Variants in AGGF1 observed in about 807,000 individuals in gnomAD.
AGGF1 encodes angiogenic factor with G patch and FHA domains 1.
In AGGF1, 56 loss-of-function variants were observed where a neutral mutation model predicts 86.5. That is an observed-to-expected ratio of 0.65 (90% CI 0.52 to 0.81). The LOEUF is 0.81. Among genes scored for constraint, AGGF1 ranks in the 30% least tolerant of loss-of-function variants. The pLI is 0.00. For missense variants in AGGF1, 816 were observed against 850.9 expected (o/e 0.96, Z 0.51); for synonymous variants, 313 against 297.1 (o/e 1.05, Z -0.55).
chr5:77,036,812 A>G, intron 4 of AGGF1, 92 bp downstream of exon 4: 3 of 1,408,646 alleles, frequency 2.1e-6, no homozygotes, highest in Non-Finnish European at 3.0e-6. Context: ...ATCTCAGCTC[A>G]CTGCAACTTT....
intron 11 of AGGF1, among the ~76,000 whole-genome samples, chr5:77,058,264 G>A (rs1747492859): frequency 6.6e-6 from 1 of 152,112 alleles, no homozygotes; most frequent in Admixed American, 6.5e-5. Flanking sequence ...AGACCAGGAA[G>A]GCAATTAATT....
chr5:77,033,800 G>A (rs1316884279), intron 1 of AGGF1, among the ~76,000 whole-genome samples: 1 of 152,192 alleles, frequency 6.6e-6, no homozygotes, highest in Admixed American at 6.5e-5. Context: ...GACCGAGGCA[G>A]CATGTTACTT....
At position 77,030,427 on chromosome 5, in the gene AGGF1, G is replaced by T. The variant is rs1420456601; in HGVS notation, c.-340G>T. ...GCGCCGTTGTTTCCGGCTCAACTGGGGAGCTGCTGGAGCTCTTCTGGCCTC... is the reference window on the plus strand; with the variant it reads ...GCGCCGTTGTTTCCGGCTCAACTGGTGAGCTGCTGGAGCTCTTCTGGCCTC... On this transcript the variant is annotated 5_prime_UTR_variant, in exon 1 of 14. Coordinates refer to ENST00000312916, the MANE Select transcript of AGGF1 (RefSeq NM_018046.5). 4 of 517,502 alleles carry T rather than the reference G, an allele frequency of 7.7e-6. No individual in the cohort carries two copies. In the East Asian group the frequency reaches 1.5e-4, roughly 20 times the overall value. 32.1% of individuals were successfully genotyped at this position (517,502 alleles called of 1,614,324 possible). A position where few individuals can be genotyped will look rare whatever the true frequency, so the allele number is the denominator to read the frequency against.
chr5:77,049,049 G>T, intron 8 of AGGF1, 62 bp downstream of exon 8: 1 of 1,515,462 alleles, frequency 6.6e-7, no homozygotes, highest in Non-Finnish European at 9.1e-7. Context: ...TATTATTACA[G>T]TAGAAAGCTT....
intron 5 of AGGF1, among the ~76,000 whole-genome samples, chr5:77,041,138 G>A (rs1201037277): frequency 6.6e-6 from 1 of 152,096 alleles, no homozygotes; most frequent in African/African-American, 2.4e-5. Flanking sequence ...ATTTGCTTCT[G>A]TTCTATTTTT....
chr5:77,036,710 A>G lies in AGGF1; in HGVS notation c.671A>G (p.Tyr224Cys), dbSNP rs780952156. Residue 224 changes from tyrosine (Y) to cysteine (C), a missense_variant, in exon 4 of 14, where the codon TAT becomes TGT. By Grantham distance (194) the Tyr-to-Cys change is radical (BLOSUM62 -2). Around this residue, in one of 3 missense-constraint regions of AGGF1, gnomAD observed 565 missense variants for 585.8 expected, o/e 0.96. Coordinates refer to ENST00000312916, the MANE Select transcript of AGGF1 (RefSeq NM_018046.5). ...GLYFDHSTGFYYDSENQLYYD... is the reference protein window; with the variant it reads ...GLYFDHSTGFCYDSENQLYYD... ...TATTTTGACCACAGCACTGGTTTCT[A>G]TTATGATTCTGTAAGTATCTCAGAC... The G allele has an allele frequency of 1.1e-5, 18 of 1,612,208 alleles. No homozygotes were observed. The African/African-American group carries it at 2.3e-4, about 20-fold the overall frequency.
At chr5:77,053,709 A>G (rs1379586526) in intron 9 of AGGF1, among the ~76,000 whole-genome samples, 1 of 152,080 alleles carries the variant, frequency 6.6e-6, no homozygotes, top group East Asian at 1.9e-4. Context: ...AGAATTGGAT[A>G]TTTCTGATTG....
rs1048713051 is a variant in AGGF1, at chr5:77,053,061, G to A, written c.1467+254G>A. On this transcript the variant is annotated intron_variant, in intron 9 of 13. Transcript: ENST00000312916. ...TGACTCCATTGTAAAGCTATTCAGA[G>A]TAAGTGTGTAAATGTCTCAATAGCA... Among the ~76,000 whole-genome samples, 12 of 152,190 alleles carry A rather than the reference G, an allele frequency of 7.9e-5. 1 individual carries two copies. Among genetic ancestry groups the A allele is most frequent in the African/African-American group, 2.7e-4 (11 of 41,434 alleles).
intron 6 of AGGF1, 91 bp from the exon 7 acceptor site, chr5:77,048,070 A>G (rs1386933230): frequency 3.4e-6 from 3 of 876,044 alleles, no homozygotes; most frequent in South Asian, 2.7e-5. Context: ...TGACCAACAC[A>G]TTTTTATTTT....
intron 8 of AGGF1, among the ~76,000 whole-genome samples, chr5:77,052,464 A>G (rs1747387199): frequency 6.6e-6 from 1 of 152,178 alleles, no homozygotes; most frequent in African/African-American, 2.4e-5. Context: ...GTACCAAAGG[A>G]GAAGAGGTAG....
chr5:77,037,239 G>A (rs1013106087), intron 4 of AGGF1, among the ~76,000 whole-genome samples: 2 of 152,096 alleles, frequency 1.3e-5, no homozygotes, highest in African/African-American at 4.8e-5. Flanking sequence ...TGGAGCTTTT[G>A]TTAATAAAAG....
intron 11 of AGGF1, 46 bp from the exon 12 acceptor site, chr5:77,059,565 GTTTTA>G (rs1371391147): frequency 1.3e-6 from 2 of 1,522,580 alleles, no homozygotes; most frequent in Non-Finnish European, 1.8e-6. Flanking sequence ...TACAGAAATT[GTTTTA>G]TTTATCAGCT....
intron 10 of AGGF1, 51 bp downstream of exon 10, chr5:77,054,181 C>T (rs373582564): frequency 6.2e-7 from 1 of 1,603,760 alleles, no homozygotes; most frequent in African/African-American, 1.3e-5. Flanking sequence ...CTTTCATTAC[C>T]TAAATGTTCT....
intron 2 of AGGF1, 109 bp from the exon 3 acceptor site, chr5:77,035,428 GATTT>G: frequency 3.8e-6 from 3 of 786,148 alleles, no homozygotes; most frequent in Non-Finnish European, 6.2e-6. Flanking sequence ...TAAAAATCAT[GATTT>G]ATTTGAAGTA....
chr5:77,035,450 T>G, intron 2 of AGGF1, 91 bp from the exon 3 acceptor site: 1 of 947,782 alleles, frequency 1.1e-6, no homozygotes, highest in Non-Finnish European at 1.6e-6. Context: ...GTATGTGCTT[T>G]TTGTGTTTAA....
At chr5:77,057,870 CT>C (rs1199674818) in intron 11 of AGGF1, among the ~76,000 whole-genome samples, 1 of 152,232 alleles carries the variant, frequency 6.6e-6, no homozygotes, top group African/African-American at 2.4e-5. Context: ...CCAATCCCTC[CT>C]TACCTCAGGA....
chr5:77,041,625 T>C (rs1047267747), intron 5 of AGGF1, among the ~76,000 whole-genome samples: 2 of 142,262 alleles, frequency 1.4e-5, no homozygotes, highest in Admixed American at 1.4e-4. Flanking sequence ...TCCCTAACAA[T>C]AGAAGAAGAA....
chr5:77,038,019 A>G (rs1746996703), intron 4 of AGGF1, among the ~76,000 whole-genome samples: 1 of 152,228 alleles, frequency 6.6e-6, no homozygotes, highest in Non-Finnish European at 1.5e-5. Context: ...TTTCTGAGGA[A>G]TTATAGAATG....
At chr5:77,041,711 C>G (rs1345434111) in intron 5 of AGGF1, among the ~76,000 whole-genome samples, 2 of 151,348 alleles carry the variant, frequency 1.3e-5, no homozygotes, top group Non-Finnish European at 2.9e-5. Flanking sequence ...ATATTTTGGT[C>G]CAGCCTCGCT....
Sources: allele counts gnomAD v4.1 joint callset (sites outside exome capture counted in the v4.1 genomes callset), GRCh38; gene constraint gnomAD v4.1.1; regional missense constraint gnomAD v4.1.1; transcripts MANE v1.5; gene names NCBI Gene and HGNC (gene_info 2026-07-23, HGNC 2026-07-21).